The following NCBP3 variants were observed in gnomAD, a reference collection of about 807,000 sequenced individuals.
NCBP3 encodes the protein nuclear cap binding subunit 3, also known as nuclear cap-binding protein subunit 3.
NCBP3 carries 20 observed loss-of-function variants against 75.7 expected under a neutral mutation model. The ratio of observed to expected loss-of-function variants is 0.26; its 90% CI spans 0.19 to 0.38. The LOEUF (loss-of-function observed/expected upper bound fraction) is 0.38. Among genes scored for constraint, NCBP3 ranks in the 10% least tolerant of loss-of-function variants. NCBP3 has a pLI of 1.00. For missense variants in NCBP3, 678 were observed against 796.9 expected, an observed-to-expected ratio of 0.85 and a Z score of 1.80; for synonymous variants, 293 against 290.5, an observed-to-expected ratio of 1.01 and a Z score of -0.09.
At chr17:3,819,373 T>C (rs1047201876) in intron 9 of NCBP3, among the ~76,000 whole-genome samples, 2 of 152,072 alleles carry the variant, frequency 1.3e-5, no homozygotes, top group Admixed American at 6.6e-5. Flanking sequence ...CTGGCTAACA[T>C]GCTAATACCC....
At chr17:3,836,876 C>G (rs1032314595) in intron 3 of NCBP3, among the ~76,000 whole-genome samples, 1 of 151,984 alleles carries the variant, frequency 6.6e-6, no homozygotes, top group East Asian at 1.9e-4. Context: ...GATGGCCTGG[C>G]GCAATGGCTC....
chr17:3,842,047 A>G (rs2054073807), intron 2 of NCBP3, among the ~76,000 whole-genome samples: 1 of 152,188 alleles, frequency 6.6e-6, no homozygotes, highest in African/African-American at 2.4e-5. Flanking sequence ...TATAAGGAAA[A>G]TAATAGGCTT....
chr17:3,844,004 A>C (rs1227530704), intron 1 of NCBP3, among the ~76,000 whole-genome samples: 3 of 152,234 alleles, frequency 2.0e-5, no homozygotes, highest in Admixed American at 6.5e-5. Context: ...CATCAACTCC[A>C]AGTATCCATG....
At chr17:3,827,979 C>T (rs1453246555) in intron 4 of NCBP3, among the ~76,000 whole-genome samples, 6 of 152,172 alleles carry the variant, frequency 3.9e-5, no homozygotes, top group Admixed American at 6.5e-5. Flanking sequence ...AGTGTAGTGG[C>T]ACTATCTTGG....
intron 1 of NCBP3, among the ~76,000 whole-genome samples, chr17:3,845,714 T>A (rs1386579475): frequency 6.6e-6 from 1 of 151,940 alleles, no homozygotes; most frequent in Non-Finnish European, 1.5e-5. Flanking sequence ...GGCTCCCCCT[T>A]TATCTCATCC....
At chr17:3,825,110 A>G (rs2053760569) in intron 6 of NCBP3, 60 bp from the exon 7 acceptor site, 1 of 903,252 alleles carries the variant, frequency 1.1e-6, no homozygotes, top group East Asian at 2.8e-5. Context: ...TTTCTTCAGT[A>G]GTAAAGCTAC....
At chr17:3,842,672 A>T (rs1037792556) in intron 2 of NCBP3, among the ~76,000 whole-genome samples, 8 of 151,584 alleles carry the variant, frequency 5.3e-5, no homozygotes, top group Admixed American at 2.0e-4. Flanking sequence ...ATAACACAAA[A>T]TTTTTTTTTG....
chr17:3,825,985 A>G, intron 5 of NCBP3, 102 bp downstream of exon 5: 2 of 1,463,858 alleles, frequency 1.4e-6, no homozygotes, highest in Non-Finnish European at 1.8e-6. Context: ...AGATTAGTTC[A>G]GAAACACTTG....
intron 3 of NCBP3, among the ~76,000 whole-genome samples, chr17:3,835,194 A>T (rs2053952723): frequency 6.6e-6 from 1 of 152,194 alleles, no homozygotes; most frequent in Admixed American, 6.5e-5. Context: ...ATTTAATAGG[A>T]CTACATTTAA....
At chr17:3,845,930 C>T (rs921395005) in intron 1 of NCBP3, 111 bp downstream of exon 1, 3 of 1,272,276 alleles carry the variant, frequency 2.4e-6, no homozygotes, top group Non-Finnish European at 3.2e-6. Context: ...CCTCCTCTCC[C>T]GCTCCCTTGA....
chr17:3,816,930 G>A (rs543745174), intron 10 of NCBP3, among the ~76,000 whole-genome samples: 1 of 152,188 alleles, frequency 6.6e-6, no homozygotes, highest in Admixed American at 6.5e-5. Flanking sequence ...GGGAGGCTGA[G>A]GCAGGAAAAT....
chr17:3,823,049 C>G (rs2053698915), intron 7 of NCBP3, among the ~76,000 whole-genome samples: 2 of 152,234 alleles, frequency 1.3e-5, no homozygotes, highest in South Asian at 4.1e-4. Context: ...CGCGATGGCT[C>G]ACGCCTGTAA....
intron 12 of NCBP3, among the ~76,000 whole-genome samples, chr17:3,813,883 C>T (rs573878124): frequency 6.6e-6 from 1 of 152,186 alleles, no homozygotes; most frequent in East Asian, 1.9e-4. Context: ...AGGCTGGTCT[C>T]GAACTCCTGA....
At chr17:3,819,872 T>C (rs1263875924) in intron 9 of NCBP3, among the ~76,000 whole-genome samples, 1 of 152,192 alleles carries the variant, frequency 6.6e-6, no homozygotes, top group Non-Finnish European at 1.5e-5. Flanking sequence ...TTCCTTAATA[T>C]GGATATAAAA....
chr17:3,824,300 AAT>A (rs1267775739), intron 7 of NCBP3: 1 of 152,102 alleles, frequency 6.6e-6, no homozygotes, highest in African/African-American at 2.4e-5. Context: ...TAAAAAAACC[AAT>A]ATGTGTATAT....
rs1309867457 is a variant in NCBP3 at position 3,804,268 on chromosome 17, C to T, written c.*8776G>A. Reference sequence around the variant, plus strand: ...TGAGGTGAAAGGGCTGCCTGTGGGTCGGGCGTGGTAGCTGACACCTGTAAT... The same window carrying T: ...TGAGGTGAAAGGGCTGCCTGTGGGTTGGGCGTGGTAGCTGACACCTGTAAT... On this transcript the variant is annotated 3_prime_UTR_variant, in exon 13 of 13. Transcript: ENST00000389005. 2 of 151,392 alleles carry T rather than the reference C, an allele frequency of 1.3e-5. No homozygotes were observed. The highest frequency in any genetic ancestry group is 2.9e-5 in the Non-Finnish European group (2 of 67,894). The allele number at this position is 151,392 out of a possible 1,614,324, so 9.4% of individuals were successfully genotyped here.
intron 3 of NCBP3, among the ~76,000 whole-genome samples, chr17:3,838,751 G>A (rs968984475): frequency 6.6e-6 from 1 of 152,216 alleles, no homozygotes; most frequent in Non-Finnish European, 1.5e-5. Flanking sequence ...CTTTGAGCCT[G>A]CTTCCTCTTT....
intron 3 of NCBP3, among the ~76,000 whole-genome samples, chr17:3,832,828 CATA>C (rs1236751031): frequency 6.6e-6 from 1 of 152,014 alleles, no homozygotes; most frequent in Non-Finnish European, 1.5e-5. Flanking sequence ...ATTTTAAACA[CATA>C]ATAATTTTAA....
Position 3,806,463 on chromosome 17 carries a change from A to C in NCBP3, c.*6581T>G, listed in dbSNP as rs1180735014. The C allele has an allele frequency of 6.6e-6, 1 of 152,240 alleles. No homozygotes were observed. The highest frequency in any genetic ancestry group is 2.4e-5 in the African/African-American group (1 of 41,462). 9.4% of individuals were successfully genotyped at this position (152,240 alleles called of 1,614,324 possible). A position where few individuals can be genotyped will look rare whatever the true frequency, so the allele number is the denominator to read the frequency against. On this transcript the variant is annotated 3_prime_UTR_variant, in exon 13 of 13. Coordinates refer to ENST00000389005, the MANE Select transcript of NCBP3 (RefSeq NM_001114118.3). ...AGAGGTGATGGTGACAATTTGAGATAACACAAAGTCTCAACTATTTACGAA... is the reference window on the plus strand; with the variant it reads ...AGAGGTGATGGTGACAATTTGAGATCACACAAAGTCTCAACTATTTACGAA...
Sources: gnomAD v4.1 joint callset for allele counts (sites outside exome capture counted in the v4.1 genomes callset) on GRCh38, gnomAD v4.1.1 for gene constraint, MANE v1.5 for transcripts, NCBI Gene and HGNC (gene_info 2026-07-23, HGNC 2026-07-21) for gene names.